The following CAMK2B variants were observed in gnomAD, a reference collection of about 807,000 sequenced individuals.
CAMK2B encodes the protein calcium/calmodulin dependent protein kinase II beta.
Under a neutral mutation model 93.7 loss-of-function variants are expected in CAMK2B, and 27 were observed. The observed-to-expected ratio is 0.29, with a 90% confidence interval of 0.21 to 0.40. The LOEUF (loss-of-function observed/expected upper bound fraction) is 0.40, where lower values mean the gene tolerates loss of function less well. Among genes scored for constraint, CAMK2B ranks in the 10% least tolerant of loss-of-function variants. CAMK2B has a pLI of 1.00. For missense variants in CAMK2B, 568 were observed against 895.8 expected (o/e 0.63, Z 4.67); for synonymous variants, 374 against 358.8 (o/e 1.04, Z -0.48).
At chr7:44,298,884 C>T (rs1168224985) in intron 1 of CAMK2B, among the ~76,000 whole-genome samples, 5 of 152,054 alleles carry the variant, frequency 3.3e-5, no homozygotes, top group Non-Finnish European at 5.9e-5. Flanking sequence ...TGAAAAAAGC[C>T]TGAAAATAAC....
chr7:44,229,799 T>G (rs1456875013), intron 17 of CAMK2B: 6 of 308,064 alleles, frequency 1.9e-5, no homozygotes, highest in African/African-American at 1.1e-4. Context: ...CCTGCCACCC[T>G]AGTGCTGTGA....
chr7:44,267,531 A>G (rs1226314428), intron 2 of CAMK2B, among the ~76,000 whole-genome samples: 1 of 152,184 alleles, frequency 6.6e-6, no homozygotes, highest in Non-Finnish European at 1.5e-5. Context: ...AAACGGAGGC[A>G]AGGGCGTATG....
chr7:44,283,109 C>T (rs1221131506), intron 2 of CAMK2B, among the ~76,000 whole-genome samples: 2 of 152,262 alleles, frequency 1.3e-5, no homozygotes, highest in Non-Finnish European at 2.9e-5. Context: ...CACAGCCCCA[C>T]CTGGCGCTCT....
At chr7:44,292,992 C>T (rs1787275496) in intron 1 of CAMK2B, among the ~76,000 whole-genome samples, 1 of 152,228 alleles carries the variant, frequency 6.6e-6, no homozygotes, top group Admixed American at 6.5e-5. Flanking sequence ...GGGTGCATCT[C>T]AGAACGAGAA....
intron 2 of CAMK2B, among the ~76,000 whole-genome samples, chr7:44,279,939 G>T (rs1012062472): frequency 7.2e-5 from 11 of 152,144 alleles, no homozygotes; most frequent in African/African-American, 2.7e-4. Flanking sequence ...CAGTGGCAGC[G>T]CAACTCCACT....
chr7:44,315,360 C>A (rs968778663), intron 1 of CAMK2B, among the ~76,000 whole-genome samples: 1 of 152,102 alleles, frequency 6.6e-6, no homozygotes, highest in Non-Finnish European at 1.5e-5. Flanking sequence ...TGTCTTGGCA[C>A]CCTTGTAAAA....
At chr7:44,243,745 GGACAGA>G (rs1224157884) in intron 6 of CAMK2B, among the ~76,000 whole-genome samples, 3 of 152,164 alleles carry the variant, frequency 2.0e-5, no homozygotes, top group Non-Finnish European at 4.4e-5. Context: ...CTGCCCCTGG[GGACAGA>G]GACACAGCAG....
chr7:44,229,649 T>G, intron 17 of CAMK2B, 148 bp from the exon 18 acceptor site: 3 of 435,914 alleles, frequency 6.9e-6, no homozygotes, highest in Middle Eastern at 6.0e-4. Flanking sequence ...GGTGGCCACC[T>G]GTGGGGGTCC....
intron 13 of CAMK2B, among the ~76,000 whole-genome samples, chr7:44,238,872 T>C (rs1308052463): frequency 1.3e-5 from 2 of 152,094 alleles, no homozygotes; most frequent in African/African-American, 4.8e-5. Context: ...CTAGCCCTCA[T>C]GGGGTCTGCC....
intron 1 of CAMK2B, among the ~76,000 whole-genome samples, chr7:44,295,061 C>G (rs1787925859): frequency 6.6e-6 from 1 of 152,200 alleles, no homozygotes. Flanking sequence ...GGGGTGAATT[C>G]TGGACTTATA....
At chr7:44,253,988 T>C (rs2096807078) in intron 5 of CAMK2B, among the ~76,000 whole-genome samples, 1 of 151,942 alleles carries the variant, frequency 6.6e-6, no homozygotes, top group Non-Finnish European at 1.5e-5. Context: ...TGCTGTCAGC[T>C]GTCCCTGAGG....
At chr7:44,255,936 T>A (rs1173066055) in intron 4 of CAMK2B, among the ~76,000 whole-genome samples, 1 of 152,224 alleles carries the variant, frequency 6.6e-6, no homozygotes, top group Non-Finnish European at 1.5e-5. Flanking sequence ...GACACCCAAG[T>A]CCCTGGCACC....
chr7:44,230,484 G>A (rs1258625861), intron 17 of CAMK2B: 1 of 154,338 alleles, frequency 6.5e-6, no homozygotes, highest in Non-Finnish European at 1.4e-5. Context: ...GGGCCTCTTG[G>A]GGAACACACA....
At chr7:44,232,949 G>C (rs1370230598) in intron 15 of CAMK2B, 83 bp from the exon 16 acceptor site, 2 of 1,241,986 alleles carry the variant, frequency 1.6e-6, no homozygotes, top group East Asian at 4.7e-5. Context: ...GAGGGGAACA[G>C]GGAGACAGAG....
intron 1 of CAMK2B, among the ~76,000 whole-genome samples, chr7:44,298,523 G>GA (rs141345317): frequency 0.043 from 6,526 of 152,160 alleles, 201 homozygotes; most frequent in Admixed American, 0.062. Context: ...GGCAACAAAA[G>GA]AAAAAATTAA....
intron 1 of CAMK2B, among the ~76,000 whole-genome samples, chr7:44,300,042 G>GTC (rs2129174038): frequency 6.6e-6 from 1 of 151,646 alleles, no homozygotes; most frequent in Admixed American, 6.6e-5. Flanking sequence ...GTGTGTGTGT[G>GTC]TGTGTGTGTG....
Position 44,226,579 on chromosome 7 carries a change from G to C in CAMK2B, c.1534C>G (p.Pro512Ala). ...RGSGTPEAEG[P>A]SPVGPPPCPS... ...CAGGGCGGGGGCCCCACTGGCGAGG[G>C]GCCCTCGGCTTCTGGGGTCCCTGAG... The change falls in exon 20 of 24, where the codon CCC becomes GCC. Residue 512 changes from proline to alanine, a missense_variant. Coordinates refer to ENST00000395749, the MANE Select transcript of CAMK2B (RefSeq NM_001220.5). 1 of 1,490,266 alleles carries C rather than the reference G, an allele frequency of 6.7e-7. No homozygotes were observed. The highest frequency in any genetic ancestry group is 8.9e-7 in the Non-Finnish European group (1 of 1,128,454). The allele number at this position is 1,490,266 out of a possible 1,614,324, so 92.3% of individuals were successfully genotyped here.
At chr7:44,254,648 C>A (rs1327935937) in intron 4 of CAMK2B, 41 bp from the exon 5 acceptor site, 2 of 1,408,052 alleles carry the variant, frequency 1.4e-6, no homozygotes, top group Non-Finnish European at 2.0e-6. Context: ...TCTGGAGACC[C>A]CTGTCACACT....
intron 2 of CAMK2B, among the ~76,000 whole-genome samples, chr7:44,282,576 A>G (rs1260376282): frequency 6.6e-6 from 1 of 152,222 alleles, no homozygotes; most frequent in Non-Finnish European, 1.5e-5. Flanking sequence ...AGTGACGAGG[A>G]GGCAGACAAG....
Sources: gnomAD v4.1 joint callset for allele counts (sites outside exome capture counted in the v4.1 genomes callset) on GRCh38, gnomAD v4.1.1 for gene constraint, MANE v1.5 for transcripts, NCBI Gene and HGNC (gene_info 2026-07-23, HGNC 2026-07-21) for gene names.